STAU2: variants seen among roughly 807,000 people sequenced by gnomAD.
STAU2 encodes staufen double-stranded RNA binding protein 2, also known as double-stranded RNA-binding protein Staufen homolog 2.
In STAU2, 20 loss-of-function variants were observed where a neutral mutation model predicts 65.9. The ratio of observed to expected loss-of-function variants is 0.30; its 90% confidence interval spans 0.21 to 0.44. The LOEUF (loss-of-function observed/expected upper bound fraction) is 0.44, where lower values mean the gene tolerates loss of function less well. Among genes scored for constraint, STAU2 ranks in the 20% least tolerant of loss-of-function variants. STAU2 has a pLI of 1.00. For synonymous variants in STAU2, 232 were observed against 233.9 expected, an observed-to-expected ratio of 0.99 and a Z score of 0.07; for missense variants, 558 against 683.9, an observed-to-expected ratio of 0.82 and a Z score of 2.05.
chr8:73,725,430 A>G (rs577720461), intron 3 of STAU2, among the ~76,000 whole-genome samples: 4 of 152,302 alleles, frequency 2.6e-5, no homozygotes, highest in Non-Finnish European at 4.4e-5. Flanking sequence ...TATGCTACTG[A>G]CATCAATTAA....
intron 11 of STAU2, among the ~76,000 whole-genome samples, chr8:73,585,270 C>T (rs1329286165): frequency 1.3e-5 from 2 of 152,202 alleles, no homozygotes; most frequent in Non-Finnish European, 2.9e-5. Context: ...CACCTGAGGT[C>T]GGGAGTTCAA....
intron 3 of STAU2, among the ~76,000 whole-genome samples, chr8:73,733,260 C>T (rs2130758563): frequency 6.6e-6 from 1 of 152,272 alleles, no homozygotes; most frequent in East Asian, 1.9e-4. Flanking sequence ...AGTTGCTAGG[C>T]TCTCCCAATA....
rs117694070 is a variant in STAU2, at chr8:73,490,342, G to T, written c.1530+61670C>A. ...TGATTTACACAATATTCTCCCTGTA[G>T]ATGGAAAAAGACTTCATGCTGCTAG... On this transcript the variant is annotated intron_variant, in intron 13 of 14. Coordinates refer to ENST00000524300, the MANE Select transcript of STAU2 (RefSeq NM_001164380.2). 2.9e-3 allele frequency among the ~76,000 whole-genome samples: 443 copies of T among 152,136 alleles called. 3 individuals carry two copies. Among genetic ancestry groups the T allele is most frequent in the Non-Finnish European group, 4.9e-3 (332 of 67,958 alleles).
intron 13 of STAU2, chr8:73,550,245 T>C (rs1403745332): frequency 4.1e-6 from 4 of 985,208 alleles, no homozygotes; most frequent in Non-Finnish European, 3.6e-6. Flanking sequence ...AAAGAGTATA[T>C]TATGTAAGCA....
chr8:73,470,259 C>T (rs1464697444), intron 13 of STAU2, among the ~76,000 whole-genome samples: 3 of 152,158 alleles, frequency 2.0e-5, no homozygotes, highest in African/African-American at 7.2e-5. Flanking sequence ...GTGTGGCTAT[C>T]CCTGACTGCA....
intron 6 of STAU2, chr8:73,651,717 T>C (rs537951588): frequency 2.2e-6 from 1 of 452,028 alleles, no homozygotes; most frequent in South Asian, 2.0e-5. Context: ...GGAAGTGGCA[T>C]GCATACGCTG....
At chr8:73,533,913 CATGACT>C (rs1280334302) in intron 13 of STAU2, among the ~76,000 whole-genome samples, 1 of 152,180 alleles carries the variant, frequency 6.6e-6, no homozygotes, top group Non-Finnish European at 1.5e-5. Context: ...CTTGATGTTG[CATGACT>C]ACTAATTTTA....
intron 3 of STAU2, among the ~76,000 whole-genome samples, chr8:73,736,376 A>G (rs539670244): frequency 5.2e-5 from 8 of 152,382 alleles, no homozygotes; most frequent in African/African-American, 1.9e-4. Flanking sequence ...TATAAGAGTA[A>G]ACAAGAAAAG....
rs374731231 is a variant in STAU2 at position 73,427,935 on chromosome 8, T to C, written c.1531-5233A>G. On this transcript the variant is annotated intron_variant, in intron 13 of 14. Coordinates refer to ENST00000524300, the MANE Select transcript of STAU2 (RefSeq NM_001164380.2). ...TTACATTTGAAATTTTATTATTTTT[T>C]GTAACATAATGATAAATTATTTAAC... is the stretch of plus-strand genomic sequence containing the variant. 2.9e-4 allele frequency among the ~76,000 whole-genome samples: 44 copies of C among 152,382 alleles called. No homozygotes were observed. The South Asian group carries it at 8.5e-3, about 29-fold the overall frequency.
At chr8:73,636,382 T>TAC (rs879399975) in intron 6 of STAU2, among the ~76,000 whole-genome samples, 21 of 143,672 alleles carry the variant, frequency 1.5e-4, no homozygotes, top group Admixed American at 3.5e-4. Context: ...GTCTAAAACA[T>TAC]ACACACACAC....
In STAU2 at chr8:73,421,347, T is replaced by C. The variant is rs1256573967; in HGVS notation, c.*25A>G. On this transcript the variant is annotated 3_prime_UTR_variant, in exon 15 of 15. Transcript: ENST00000524300. Reference sequence around the variant, plus strand: ...TGCTGACAGGTTTATAAGGATGCGGTGGCAGCCGCGGGTTCTGGGAGCTGC... The same window carrying C: ...TGCTGACAGGTTTATAAGGATGCGGCGGCAGCCGCGGGTTCTGGGAGCTGC... 10 of 1,535,660 alleles carry C rather than the reference T, an allele frequency of 6.5e-6. No individual in the cohort carries two copies. The highest frequency in any genetic ancestry group is 4.8e-5 in the South Asian group (4 of 84,034).
At chr8:73,475,106 T>C (rs1466649404) in intron 13 of STAU2, among the ~76,000 whole-genome samples, 1 of 152,026 alleles carries the variant, frequency 6.6e-6, no homozygotes, top group Non-Finnish European at 1.5e-5. Context: ...AGTGGTGACC[T>C]TTGGGGAGAG....
At chr8:73,724,560 G>A (rs1246649073) in intron 3 of STAU2, among the ~76,000 whole-genome samples, 3 of 151,212 alleles carry the variant, frequency 2.0e-5, no homozygotes, top group Non-Finnish European at 4.4e-5. Context: ...TATAAAATAG[G>A]GTGTATTTAG....
chr8:73,710,773 T>C (rs1820836897), intron 3 of STAU2, among the ~76,000 whole-genome samples: 1 of 152,026 alleles, frequency 6.6e-6, no homozygotes, highest in Admixed American at 6.6e-5. Context: ...GCATAAAACA[T>C]GCAAGTGGAT....
chr8:73,497,165 A>G (rs1197098023), intron 13 of STAU2, among the ~76,000 whole-genome samples: 1 of 151,748 alleles, frequency 6.6e-6, no homozygotes, highest in Non-Finnish European at 1.5e-5. Flanking sequence ...CCTCACAGAA[A>G]GTGGATTACT....
chr8:73,574,559 T>C (rs1385576684), intron 12 of STAU2, among the ~76,000 whole-genome samples: 2 of 152,184 alleles, frequency 1.3e-5, no homozygotes, highest in Admixed American at 1.3e-4. Flanking sequence ...ATATACACCA[T>C]GGAATACTAT....
At chr8:73,470,726 T>C (rs1819946875) in intron 13 of STAU2, among the ~76,000 whole-genome samples, 1 of 152,012 alleles carries the variant, frequency 6.6e-6, no homozygotes, top group Admixed American at 6.5e-5. Flanking sequence ...ATTGCCTAAG[T>C]CCAGAAGCTT....
At chr8:73,422,758 G>T in intron 13 of STAU2, 56 bp from the exon 14 acceptor site, 2 of 1,192,426 alleles carry the variant, frequency 1.7e-6, no homozygotes, top group Non-Finnish European at 1.1e-6. Flanking sequence ...TAATGAACAA[G>T]TAACTGAAAG....
chr8:73,556,020 C>T (rs1283167912), intron 12 of STAU2, among the ~76,000 whole-genome samples: 3 of 152,130 alleles, frequency 2.0e-5, no homozygotes, highest in African/African-American at 7.2e-5. Flanking sequence ...TTACTTTCAA[C>T]ATTTTGCTTT....
Sources: allele counts gnomAD v4.1 joint callset (sites outside exome capture counted in the v4.1 genomes callset), GRCh38; gene constraint gnomAD v4.1.1; transcripts MANE v1.5; gene names NCBI Gene and HGNC (gene_info 2026-07-23, HGNC 2026-07-21).